The following IGF2BP3 variants were observed in gnomAD, a reference collection of about 807,000 sequenced individuals.
The protein encoded by IGF2BP3 is insulin like growth factor 2 mRNA binding protein 3, also known as insulin-like growth factor 2 mRNA-binding protein 3.
A neutral mutation model predicts 73.8 loss-of-function variants in IGF2BP3; 9 were observed. The ratio of observed to expected loss-of-function variants is 0.12; its 90% CI spans 0.07 to 0.21. The LOEUF is 0.21. IGF2BP3 is among the 10% of genes least tolerant of loss of function. IGF2BP3 has a pLI of 1.00. For synonymous variants in IGF2BP3, 258 were observed against 256.7 expected (o/e 1.01, Z -0.05); for missense variants, 542 against 714.0 (o/e 0.76, Z 2.75).
chr7:23,470,129 A>T lies in IGF2BP3; in HGVS notation c.-19T>A. 2 of 1,472,012 alleles carry T rather than the reference A, an allele frequency of 1.4e-6. No homozygotes were observed. The highest frequency in any genetic ancestry group is 1.8e-6 in the Non-Finnish European group (2 of 1,091,610). 91.2% of individuals were successfully genotyped at this position (1,472,012 alleles called of 1,614,324 possible). A position where few individuals can be genotyped will look rare whatever the true frequency, so the allele number is the denominator to read the frequency against. On this transcript the variant is annotated 5_prime_UTR_variant, in exon 1 of 15. Transcript: ENST00000258729. ...TGTTCATTGTGAAGAGTGGTTGTTT[A>T]AAAAAAAATAACGAGAAAAAACGAA...
rs1005784997 is a variant in IGF2BP3, at chr7:23,430,233, G to A, written c.237-11409C>T. On this transcript the variant is annotated intron_variant, in intron 2 of 14. Transcript: ENST00000258729. Reference sequence around the variant, plus strand: ...TCAGTAGCTGGGATTACAGGCGCGCGCCACCATGCCCAGTTAATTTTTTGT... The same window carrying A: ...TCAGTAGCTGGGATTACAGGCGCGCACCACCATGCCCAGTTAATTTTTTGT... Among the ~76,000 whole-genome samples, 10 of 152,128 alleles carry A rather than the reference G, an allele frequency of 6.6e-5. No homozygotes were observed. The South Asian group carries it at 1.5e-3, about 22-fold the overall frequency.
chr7:23,368,438 AT>A (rs151227403), intron 3 of IGF2BP3, among the ~76,000 whole-genome samples: 8,274 of 152,136 alleles, frequency 0.054, 749 homozygotes, highest in African/African-American at 0.19. Context: ...TTATTATATG[AT>A]TTTTGTTTGT....
intron 2 of IGF2BP3, among the ~76,000 whole-genome samples, chr7:23,432,237 G>A (rs539817818): frequency 6.6e-6 from 1 of 152,300 alleles, no homozygotes; most frequent in African/African-American, 2.4e-5. Flanking sequence ...GTATGCACTA[G>A]AAGAGTCCAA....
At chr7:23,451,451 C>T (rs1254729666) in intron 2 of IGF2BP3, among the ~76,000 whole-genome samples, 1 of 151,722 alleles carries the variant, frequency 6.6e-6, no homozygotes, top group African/African-American at 2.4e-5. Flanking sequence ...TTTATGATAA[C>T]ATGTAATGGG....
At chr7:23,418,742 C>T (rs1454518775) in intron 3 of IGF2BP3, 34 bp downstream of exon 3, 1 of 1,411,138 alleles carries the variant, frequency 7.1e-7, no homozygotes, top group Admixed American at 1.9e-5. Context: ...GGCTTCCATA[C>T]TTAGATCTTA....
chr7:23,449,559 T>TC (rs199817024), intron 2 of IGF2BP3, among the ~76,000 whole-genome samples: 104 of 70,334 alleles, frequency 1.5e-3, no homozygotes, highest in African/African-American at 4.0e-3. Context: ...TTTTTCTTTT[T>TC]TTTTTTTTTT....
chr7:23,436,561 A>G (rs1202141803), intron 2 of IGF2BP3, among the ~76,000 whole-genome samples: 1 of 152,224 alleles, frequency 6.6e-6, no homozygotes, highest in Non-Finnish European at 1.5e-5. Flanking sequence ...TTCCATTAAA[A>G]TCAAACTCTG....
chr7:23,363,576 T>C (rs768061724), intron 3 of IGF2BP3, among the ~76,000 whole-genome samples: 19 of 152,232 alleles, frequency 1.2e-4, no homozygotes, highest in Non-Finnish European at 2.5e-4. Context: ...TTAATACCTA[T>C]TTATGAGTGA....
At chr7:23,468,393 GCA>G in intron 2 of IGF2BP3, 87 bp downstream of exon 2, 1 of 1,321,352 alleles carries the variant, frequency 7.6e-7, no homozygotes, top group East Asian at 2.3e-5. Context: ...CAGGGGGTAA[GCA>G]CCAGAGGACA....
chr7:23,389,897 G>T (rs1020324925), intron 3 of IGF2BP3, among the ~76,000 whole-genome samples: 1 of 151,458 alleles, frequency 6.6e-6, no homozygotes, highest in Non-Finnish European at 1.5e-5. Context: ...CTACTTGGGA[G>T]ACTGGGAGGT....
rs147267580 is a variant in IGF2BP3, at chr7:23,347,704, C to T, written c.714G>A (p.Gly238=). 437 of 1,614,002 alleles carry T rather than the reference C, an allele frequency of 2.7e-4. No homozygotes were observed. Among genetic ancestry groups the T allele is most frequent in the Non-Finnish European group, 3.6e-4 (423 of 1,180,018 alleles). The change falls in exon 7 of 15, where the codon GGG becomes GGA. Residue 238 remains glycine, a synonymous_variant. Coordinates refer to ENST00000258729, the MANE Select transcript of IGF2BP3 (RefSeq NM_006547.3). ...GGATAGTAATCGACTTCTCAGCAGCCCCCGCATTTTCTTTACGGTGGACAT... is the reference window on the plus strand; with the variant it reads ...GGATAGTAATCGACTTCTCAGCAGCTCCCGCATTTTCTTTACGGTGGACAT... ...KIDVHRKENA[G]AAEKSITILS... is the part of the protein sequence containing the mutation.
chr7:23,332,488 CACAT>C (rs1333015682), intron 10 of IGF2BP3, among the ~76,000 whole-genome samples: 1 of 152,212 alleles, frequency 6.6e-6, no homozygotes, highest in Admixed American at 6.5e-5. Context: ...ATTTTTAGAA[CACAT>C]ACATCAGAAG....
At chr7:23,458,769 T>C (rs1788378615) in intron 2 of IGF2BP3, among the ~76,000 whole-genome samples, 2 of 152,254 alleles carry the variant, frequency 1.3e-5, no homozygotes, top group South Asian at 4.1e-4. Context: ...ACTACCTGTA[T>C]ACTAGTCTTT....
intron 2 of IGF2BP3, chr7:23,450,590 T>C (rs542990696): frequency 1.3e-5 from 2 of 152,278 alleles, no homozygotes; most frequent in East Asian, 3.9e-4. Context: ...TTGTAACAAG[T>C]ACAAAAAAAA....
chr7:23,463,946 A>G (rs1017784166), intron 2 of IGF2BP3, among the ~76,000 whole-genome samples: 1 of 152,246 alleles, frequency 6.6e-6, no homozygotes, highest in South Asian at 2.1e-4. Flanking sequence ...ACCAGCCAAG[A>G]AAGTTTCCTA....
chr7:23,358,066 A>G lies in IGF2BP3; in HGVS notation c.401+3468T>C, dbSNP rs186653043. On this transcript the variant is annotated intron_variant, in intron 5 of 14. Transcript: ENST00000258729. The stretch of plus-strand genomic sequence containing the variant: ...AACTTTTGAGCTCTACCTTACAGGT[A>G]TTATGAAACATGTTTTGGAGGCATT... Among the ~76,000 whole-genome samples the G allele has an allele frequency of 2.0e-3, 302 of 152,380 alleles. 2 individuals carry two copies. The highest frequency in any genetic ancestry group is 7.1e-3 in the African/African-American group (295 of 41,596).
chr7:23,332,141 T>TGG (rs1042491103), intron 10 of IGF2BP3, among the ~76,000 whole-genome samples: 23 of 152,190 alleles, frequency 1.5e-4, no homozygotes, highest in African/African-American at 5.6e-4. Flanking sequence ...AGATGAGATT[T>TGG]GGGTGGGGAC....
chr7:23,319,389 G>C (rs909711022), intron 10 of IGF2BP3, 135 bp from the exon 11 acceptor site: 1 of 642,560 alleles, frequency 1.6e-6, no homozygotes, highest in Non-Finnish European at 2.8e-6. Context: ...ACCATAAGAA[G>C]TTGACCAGAC....
intron 3 of IGF2BP3, among the ~76,000 whole-genome samples, chr7:23,385,366 C>T (rs1786049337): frequency 1.3e-5 from 2 of 152,266 alleles, no homozygotes; most frequent in South Asian, 4.1e-4. Flanking sequence ...ATCTTGGCAG[C>T]ACAGTACAAT....
Sources: allele counts gnomAD v4.1 joint callset (sites outside exome capture counted in the v4.1 genomes callset), GRCh38; gene constraint gnomAD v4.1.1; transcripts MANE v1.5; gene names NCBI Gene and HGNC (gene_info 2026-07-23, HGNC 2026-07-21).